The following GRIK1 variants were observed in gnomAD, a reference collection of about 807,000 sequenced individuals.
The protein encoded by GRIK1 is glutamate receptor ionotropic, kainate 1.
In GRIK1, 69 loss-of-function variants were observed where a neutral mutation model predicts 105.7. The observed-to-expected ratio is 0.65, with a 90% CI of 0.54 to 0.80. The LOEUF (loss-of-function observed/expected upper bound fraction) is 0.80. Ranked by LOEUF, GRIK1 falls within the 30% of genes least tolerant of loss-of-function variation. GRIK1 has a pLI of 0.00. For synonymous variants in GRIK1, 438 were observed against 431.3 expected (o/e 1.02, Z -0.19); for missense variants, 1,109 against 1,167.3 (o/e 0.95, Z 0.73).
chr21:29,657,964 C>A (rs889626447), intron 4 of GRIK1: 2 of 152,156 alleles, frequency 1.3e-5, no homozygotes, highest in Non-Finnish European at 2.9e-5. Flanking sequence ...TCTAATAGTT[C>A]TTTGCAGAAC....
chr21:29,561,878 C>CCCTCTTCTGCTGGTG, intron 14 of GRIK1, 29 bp from the exon 15 acceptor site: 1 of 1,327,054 alleles, frequency 7.5e-7, no homozygotes, highest in Non-Finnish European at 1.1e-6. Flanking sequence ...CACTCACCAG[C>CCCTCTTCTGCTGGTG]AGAAGAGGGC....
In GRIK1 at chr21:29,591,116, A is replaced by G. The variant is rs1363252360; in HGVS notation, c.1361T>C (p.Ile454Thr). The G allele has an allele frequency of 1.3e-6, 2 of 1,538,842 alleles. No homozygotes were observed. The highest frequency in any genetic ancestry group is 4.5e-5 in the East Asian group (2 of 44,536). ...AATTCCATGAAGTCAACTTACCAGA[A>G]TGGTGGTGACAATGAGTGTTCTGTT... ...LANRTLIVTT[I>T]LEEPYVMYRK... Residue 454 changes from isoleucine to threonine, a missense_variant, in exon 10 of 18, where the codon ATT (isoleucine) becomes ACT (threonine). Around this residue, in one of 5 missense-constraint regions of GRIK1, gnomAD observed 612 missense variants for 586.0 expected, o/e 1.04. Coordinates refer to ENST00000327783, the MANE Select transcript of GRIK1 (RefSeq NM_001330994.2).
At chr21:29,548,097 TA>T (rs2090075164) in intron 16 of GRIK1, among the ~76,000 whole-genome samples, 1 of 152,216 alleles carries the variant, frequency 6.6e-6, no homozygotes, top group Admixed American at 6.5e-5. Flanking sequence ...TTTTAGTTGC[TA>T]GGGGGAAATA....
chr21:29,718,764 G>T (rs1348729072), intron 1 of GRIK1, among the ~76,000 whole-genome samples: 4 of 152,130 alleles, frequency 2.6e-5, no homozygotes, highest in Non-Finnish European at 5.9e-5. Flanking sequence ...GTCAGAGTTT[G>T]CTTTGAGAAA....
At chr21:29,857,102 A>G (rs2068486541) in intron 1 of GRIK1, among the ~76,000 whole-genome samples, 1 of 152,200 alleles carries the variant, frequency 6.6e-6, no homozygotes, top group Non-Finnish European at 1.5e-5. Context: ...GGTTATATGG[A>G]TATAACTTTG....
chr21:29,723,445 GT>G (rs1322165907), intron 1 of GRIK1, among the ~76,000 whole-genome samples: 1 of 152,152 alleles, frequency 6.6e-6, no homozygotes, highest in African/African-American at 2.4e-5. Context: ...CTTCCGAGTA[GT>G]TTTAGAGTAA....
intron 7 of GRIK1, chr21:29,630,707 C>A: frequency 2.5e-6 from 1 of 401,112 alleles, no homozygotes; most frequent in East Asian, 7.3e-5. Flanking sequence ...GACTTCTCAT[C>A]TACAGAAACT....
At chr21:29,928,261 T>C (rs771884789) in intron 1 of GRIK1, among the ~76,000 whole-genome samples, 1 of 152,236 alleles carries the variant, frequency 6.6e-6, no homozygotes, top group Non-Finnish European at 1.5e-5. Flanking sequence ...TTGTTGCTTC[T>C]TTCGTTGCTG....
chr21:29,740,064 ACTT>A (rs369164214), intron 1 of GRIK1, among the ~76,000 whole-genome samples: 4 of 152,258 alleles, frequency 2.6e-5, no homozygotes, highest in African/African-American at 7.2e-5. Flanking sequence ...AATTGAAAAA[ACTT>A]CTTCTGGATT....
chr21:29,900,499 T>G (rs1333459390), intron 1 of GRIK1, among the ~76,000 whole-genome samples: 1 of 142,140 alleles, frequency 7.0e-6, no homozygotes, highest in East Asian at 2.0e-4. Context: ...GCAATCCTGG[T>G]CTCTGATAAA....
At chr21:29,881,554 TA>T (rs1266421540) in intron 1 of GRIK1, among the ~76,000 whole-genome samples, 1 of 152,086 alleles carries the variant, frequency 6.6e-6, no homozygotes, top group African/African-American at 2.4e-5. Flanking sequence ...TGTTTACATA[TA>T]AAAATATGGC....
chr21:29,837,402 A>G (rs982407760), intron 1 of GRIK1, among the ~76,000 whole-genome samples: 3 of 152,220 alleles, frequency 2.0e-5, no homozygotes, highest in Non-Finnish European at 4.4e-5. Flanking sequence ...AGTTATGTCC[A>G]GGGAAGAACA....
intron 1 of GRIK1, among the ~76,000 whole-genome samples, chr21:29,933,731 T>C (rs2071652004): frequency 6.6e-6 from 1 of 152,146 alleles, no homozygotes. Flanking sequence ...ATTATTATTT[T>C]CTCTTCTATA....
intron 1 of GRIK1, among the ~76,000 whole-genome samples, chr21:29,882,851 A>G (rs1291696193): frequency 2.0e-5 from 3 of 152,056 alleles, no homozygotes; most frequent in South Asian, 2.1e-4. Flanking sequence ...AGCATTCTCT[A>G]TCTACCACGA....
At chr21:29,621,541 GT>G (rs1416391510) in intron 7 of GRIK1, among the ~76,000 whole-genome samples, 2 of 152,182 alleles carry the variant, frequency 1.3e-5, no homozygotes, top group Admixed American at 1.3e-4. Flanking sequence ...TGTAGTAATA[GT>G]GAACCCTCTT....
chr21:29,677,881 C>T (rs2063302085), intron 3 of GRIK1, among the ~76,000 whole-genome samples: 1 of 152,126 alleles, frequency 6.6e-6, no homozygotes, highest in African/African-American at 2.4e-5. Context: ...ATGCATGAGT[C>T]CCCTCTACAC....
chr21:29,781,535 G>T (rs2066099339), intron 1 of GRIK1, among the ~76,000 whole-genome samples: 1 of 149,824 alleles, frequency 6.7e-6, no homozygotes, highest in South Asian at 2.1e-4. Flanking sequence ...ATCTTTAAAT[G>T]TCTATAGTTG....
chr21:29,548,432 G>C (rs2090079843), intron 16 of GRIK1, among the ~76,000 whole-genome samples: 1 of 152,180 alleles, frequency 6.6e-6, no homozygotes, highest in Admixed American at 6.5e-5. Flanking sequence ...TTCCATAACT[G>C]TGAGAAGCAT....
chr21:29,787,873 G>A (rs531704679), intron 1 of GRIK1, among the ~76,000 whole-genome samples: 4 of 152,250 alleles, frequency 2.6e-5, no homozygotes, highest in Non-Finnish European at 4.4e-5. Flanking sequence ...TGACAACAGG[G>A]TTTTATGGCT....
Sources: allele counts gnomAD v4.1 joint callset (sites outside exome capture counted in the v4.1 genomes callset), GRCh38; gene constraint gnomAD v4.1.1; regional missense constraint gnomAD v4.1.1; transcripts MANE v1.5; gene names NCBI Gene and HGNC (gene_info 2026-07-23, HGNC 2026-07-21).